The following SOX5 variants were observed in gnomAD, a reference collection of about 807,000 sequenced individuals.
The protein encoded by SOX5 is transcription factor SOX-5.
A neutral mutation model predicts 92.0 loss-of-function variants in SOX5; 9 were observed. The ratio of observed to expected loss-of-function variants is 0.10; its 90% CI spans 0.06 to 0.17. The LOEUF (loss-of-function observed/expected upper bound fraction) is 0.17, where lower values mean the gene tolerates loss of function less well. Among genes scored for constraint, SOX5 ranks in the 10% least tolerant of loss-of-function variants. The pLI, the probability that SOX5 is intolerant of heterozygous loss-of-function variation, is 1.00. For synonymous variants in SOX5, 344 were observed against 336.3 expected (o/e 1.02, Z -0.25); for missense variants, 642 against 944.5 (o/e 0.68, Z 4.20).
chr12:24,149,750 T>C (rs1321795463), intron 4 of SOX5, among the ~76,000 whole-genome samples: 1 of 152,170 alleles, frequency 6.6e-6, no homozygotes, highest in Admixed American at 6.5e-5. Context: ...TAACAGCCGA[T>C]CTAGAAACAA....
chr12:23,665,950 T>C (rs2083725103), intron 6 of SOX5, among the ~76,000 whole-genome samples: 1 of 152,150 alleles, frequency 6.6e-6, no homozygotes, highest in South Asian at 2.1e-4. Flanking sequence ...GGACTAATTC[T>C]ACCATCTAAA....
At chr12:24,464,743 C>G (rs1206705764) in intron 1 of SOX5, among the ~76,000 whole-genome samples, 1 of 152,154 alleles carries the variant, frequency 6.6e-6, no homozygotes, top group Non-Finnish European at 1.5e-5. Context: ...AATAGTAGCC[C>G]CACTTTCCAG....
intron 3 of SOX5, among the ~76,000 whole-genome samples, chr12:23,780,535 A>T (rs1225444226): frequency 2.6e-5 from 4 of 152,044 alleles, no homozygotes; most frequent in African/African-American, 9.7e-5. Context: ...GAGAAGAAAG[A>T]AACGTATCAG....
At chr12:24,462,108 C>T (rs1024162339) in intron 1 of SOX5, among the ~76,000 whole-genome samples, 1 of 152,130 alleles carries the variant, frequency 6.6e-6, no homozygotes, top group African/African-American at 2.4e-5. Context: ...AAATTTCATC[C>T]TTGTGTGAAT....
intron 13 of SOX5, among the ~76,000 whole-genome samples, chr12:23,541,428 A>ATAAAG (rs1256332503): frequency 6.6e-6 from 1 of 152,206 alleles, no homozygotes; most frequent in Non-Finnish European, 1.5e-5. Context: ...ATATGCTTAC[A>ATAAAG]TAAAGTATTC....
chr12:24,355,582 C>T (rs1595880243), intron 2 of SOX5, among the ~76,000 whole-genome samples: 1 of 152,096 alleles, frequency 6.6e-6, no homozygotes, highest in African/African-American at 2.4e-5. Flanking sequence ...GTTTAATATG[C>T]CACGATACCT....
intron 6 of SOX5, among the ~76,000 whole-genome samples, chr12:23,688,597 C>T (rs912169840): frequency 6.6e-6 from 1 of 152,064 alleles, no homozygotes; most frequent in African/African-American, 2.4e-5. Flanking sequence ...CTATACCTCT[C>T]TCTATCCCTT....
At chr12:23,616,820 G>T (rs929293271) in intron 8 of SOX5, among the ~76,000 whole-genome samples, 3 of 152,068 alleles carry the variant, frequency 2.0e-5, no homozygotes, top group Non-Finnish European at 2.9e-5. Context: ...GAGTTAGTTG[G>T]TATCACCAGA....
chr12:24,146,081 T>A (rs1210943894), intron 4 of SOX5, among the ~76,000 whole-genome samples: 2 of 152,142 alleles, frequency 1.3e-5, no homozygotes, highest in African/African-American at 2.4e-5. Flanking sequence ...ATTGATAGAA[T>A]AAGTAAACAG....
At chr12:23,993,493 G>A (rs1268831494) in intron 4 of SOX5, among the ~76,000 whole-genome samples, 1 of 152,080 alleles carries the variant, frequency 6.6e-6, no homozygotes, top group Non-Finnish European at 1.5e-5. Context: ...ACTCAAAACT[G>A]TCATCATGAC....
chr12:24,367,349 G>A (rs1489077554), intron 2 of SOX5, among the ~76,000 whole-genome samples: 4 of 152,148 alleles, frequency 2.6e-5, no homozygotes, highest in African/African-American at 2.4e-5. Context: ...AATATTGCAT[G>A]TTGTCCTACC....
intron 3 of SOX5, among the ~76,000 whole-genome samples, chr12:24,256,802 A>G (rs1444483948): frequency 6.6e-6 from 1 of 152,224 alleles, no homozygotes; most frequent in Non-Finnish European, 1.5e-5. Flanking sequence ...GAAAACTGCC[A>G]TGTACAGTTA....
intron 1 of SOX5, among the ~76,000 whole-genome samples, chr12:24,406,383 A>C (rs17417837): frequency 0.06 from 8,986 of 148,778 alleles, 383 homozygotes; most frequent in Middle Eastern, 0.1. Context: ...ACTGAGAGTC[A>C]GTGTTAAGCA....
At chr12:24,481,113 A>C (rs1945940843) in intron 1 of SOX5, among the ~76,000 whole-genome samples, 1 of 152,208 alleles carries the variant, frequency 6.6e-6, no homozygotes, top group Non-Finnish European at 1.5e-5. Flanking sequence ...AACAACATGG[A>C]TGGAACTGGA....
chr12:23,655,522 T>C (rs1223933119), intron 7 of SOX5, among the ~76,000 whole-genome samples: 1 of 152,158 alleles, frequency 6.6e-6, no homozygotes, highest in African/African-American at 2.4e-5. Flanking sequence ...AAGACCAAAT[T>C]AAATGCAATT....
chr12:24,084,725 C>A (rs1170981818), intron 4 of SOX5, among the ~76,000 whole-genome samples: 1 of 152,000 alleles, frequency 6.6e-6, no homozygotes, highest in African/African-American at 2.4e-5. Flanking sequence ...ATCATCTTCT[C>A]CCTCCCATTT....
chr12:23,831,303 C>A (rs894228522), intron 3 of SOX5, among the ~76,000 whole-genome samples: 3 of 151,722 alleles, frequency 2.0e-5, no homozygotes, highest in African/African-American at 7.3e-5. Context: ...AAATAATGAA[C>A]AATGGATATG....
chr12:23,618,289 A>G (rs1207494489), intron 8 of SOX5, among the ~76,000 whole-genome samples: 2 of 152,166 alleles, frequency 1.3e-5, no homozygotes, highest in African/African-American at 4.8e-5. Flanking sequence ...AAATTTCATT[A>G]TTTAATTTGG....
chr12:23,876,340 A>G (rs1289218614), intron 2 of SOX5, among the ~76,000 whole-genome samples: 1 of 152,188 alleles, frequency 6.6e-6, no homozygotes, highest in Non-Finnish European at 1.5e-5. Context: ...ACTTCTCAAA[A>G]GAAGATATTT....
Sources: allele counts gnomAD v4.1 joint callset (sites outside exome capture counted in the v4.1 genomes callset), GRCh38; gene constraint gnomAD v4.1.1; transcripts MANE v1.5; gene names NCBI Gene and HGNC (gene_info 2026-07-23, HGNC 2026-07-21).